The following ABTB2 variants were observed in gnomAD, a reference collection of about 807,000 sequenced individuals.
ABTB2 encodes ankyrin repeat and BTB domain containing 2.
Under a neutral mutation model 104.1 loss-of-function variants are expected in ABTB2, and 56 were observed. The observed-to-expected ratio is 0.54, with a 90% CI of 0.43 to 0.67. The LOEUF (loss-of-function observed/expected upper bound fraction) is 0.67, where lower values mean the gene tolerates loss of function less well. ABTB2 is among the 30% of genes least tolerant of loss of function. The pLI, the probability that ABTB2 is intolerant of heterozygous loss-of-function variation, is 0.00. For synonymous variants in ABTB2, 606 were observed against 608.2 expected, an observed-to-expected ratio of 1.00 and a Z score of 0.05; for missense variants, 1,279 against 1,407.7, an observed-to-expected ratio of 0.91 and a Z score of 1.46.
intron 4 of ABTB2, among the ~76,000 whole-genome samples, chr11:34,172,889 C>G (rs1240002302): frequency 6.6e-6 from 1 of 152,228 alleles, no homozygotes; most frequent in African/African-American, 2.4e-5. Flanking sequence ...TGTGTGGGCT[C>G]TCCTGCCCCA....
At chr11:34,258,510 T>C (rs922140551) in intron 1 of ABTB2, among the ~76,000 whole-genome samples, 16 of 151,762 alleles carry the variant, frequency 1.1e-4, no homozygotes, top group African/African-American at 3.9e-4. Context: ...ATCTATCAAA[T>C]GGAAACAGCA....
chr11:34,355,872 G>A (rs1855459615), intron 1 of ABTB2, among the ~76,000 whole-genome samples: 1 of 152,188 alleles, frequency 6.6e-6, no homozygotes, highest in Admixed American at 6.5e-5. Context: ...TCAGGGAAGT[G>A]CAACCACCCA....
chr11:34,275,057 G>A (rs951406701), intron 1 of ABTB2, among the ~76,000 whole-genome samples: 4 of 152,260 alleles, frequency 2.6e-5, no homozygotes, highest in South Asian at 2.1e-4. Flanking sequence ...AAGCTGCCTC[G>A]AGAGTCCTCA....
At chr11:34,174,040 G>T (rs1204702428) in intron 3 of ABTB2, among the ~76,000 whole-genome samples, 1 of 152,202 alleles carries the variant, frequency 6.6e-6, no homozygotes, top group East Asian at 1.9e-4. Context: ...GCTCAGAAAA[G>T]AGTAGTGGCC....
At chr11:34,211,400 A>G (rs1853478629) in intron 1 of ABTB2, among the ~76,000 whole-genome samples, 1 of 152,124 alleles carries the variant, frequency 6.6e-6, no homozygotes, top group Non-Finnish European at 1.5e-5. Flanking sequence ...GTGAGCCACC[A>G]TGCCCAGCCA....
intron 1 of ABTB2, among the ~76,000 whole-genome samples, chr11:34,324,704 T>C (rs1033305522): frequency 6.6e-6 from 1 of 152,232 alleles, no homozygotes; most frequent in Non-Finnish European, 1.5e-5. Flanking sequence ...GGCATGCAAG[T>C]AGAGGCTCCC....
Position 34,156,585 on chromosome 11 carries a change from G to A in ABTB2, c.2698-1816C>T, listed in dbSNP as rs183972335. On this transcript the variant is annotated intron_variant, in intron 14 of 16. Coordinates refer to ENST00000435224, the MANE Select transcript of ABTB2 (RefSeq NM_145804.3). ...GTCGCCCAGGCTGGAGTGCAGTGGC[G>A]CAATCTCGGCTCACCGCAACCTCCA... 3.9e-3 allele frequency among the ~76,000 whole-genome samples: 588 copies of A among 151,412 alleles called. 13 individuals are homozygous for A. Among genetic ancestry groups the A allele is most frequent in the Admixed American group, 0.036 (541 of 15,192 alleles).
At chr11:34,291,085 T>C (rs1032291780) in intron 1 of ABTB2, among the ~76,000 whole-genome samples, 1 of 152,200 alleles carries the variant, frequency 6.6e-6, no homozygotes, top group Non-Finnish European at 1.5e-5. Context: ...CCTGCACATA[T>C]GGGGGAATGG....
intron 1 of ABTB2, among the ~76,000 whole-genome samples, chr11:34,353,728 A>C (rs138406969): frequency 6.6e-6 from 1 of 152,376 alleles, no homozygotes; most frequent in African/African-American, 2.4e-5. Flanking sequence ...GGAAGACATT[A>C]AGTTTAAAAG....
At chr11:34,354,328 G>A (rs1007622075) in intron 1 of ABTB2, among the ~76,000 whole-genome samples, 4 of 152,104 alleles carry the variant, frequency 2.6e-5, no homozygotes, top group Non-Finnish European at 5.9e-5. Context: ...TTAAAACATG[G>A]GGTCGTGGCT....
intron 1 of ABTB2, among the ~76,000 whole-genome samples, chr11:34,270,275 A>G (rs1222744345): frequency 6.6e-6 from 1 of 151,844 alleles, no homozygotes; most frequent in Non-Finnish European, 1.5e-5. Context: ...GCATGGTTTC[A>G]GGATCAAACA....
At chr11:34,264,068 G>T (rs979211517) in intron 1 of ABTB2, among the ~76,000 whole-genome samples, 1 of 152,138 alleles carries the variant, frequency 6.6e-6, no homozygotes, top group Admixed American at 6.5e-5. Flanking sequence ...TTTCTCTAAG[G>T]GAAGTAACAC....
intron 1 of ABTB2, among the ~76,000 whole-genome samples, chr11:34,282,784 G>A (rs1035279170): frequency 6.6e-6 from 1 of 151,928 alleles, no homozygotes; most frequent in Admixed American, 6.6e-5. Flanking sequence ...CGCCCACCTC[G>A]GCCTCCCAAA....
chr11:34,167,404 C>G (rs370092511), intron 6 of ABTB2, 44 bp from the exon 7 acceptor site: 7 of 1,516,646 alleles, frequency 4.6e-6, no homozygotes, highest in African/African-American at 4.1e-5. Flanking sequence ...GGCACCCGAG[C>G]GAAGGGAGTA....
intron 1 of ABTB2, among the ~76,000 whole-genome samples, chr11:34,275,446 A>G (rs563872371): frequency 1.7e-4 from 26 of 152,140 alleles, no homozygotes; most frequent in African/African-American, 5.8e-4. Context: ...ATGGGGGACC[A>G]TGGCATGTCA....
chr11:34,319,140 T>C (rs969071795), intron 1 of ABTB2, among the ~76,000 whole-genome samples: 2 of 152,190 alleles, frequency 1.3e-5, no homozygotes, highest in Non-Finnish European at 2.9e-5. Flanking sequence ...CCTCAGACTC[T>C]ACAACAGATG....
chr11:34,291,215 A>G (rs1369985659), intron 1 of ABTB2, among the ~76,000 whole-genome samples: 1 of 152,232 alleles, frequency 6.6e-6, no homozygotes, highest in African/African-American at 2.4e-5. Flanking sequence ...TAAGAGGACA[A>G]TAGTCTCTTT....
At chr11:34,187,252 G>A (rs972802678) in intron 3 of ABTB2, among the ~76,000 whole-genome samples, 3 of 152,154 alleles carry the variant, frequency 2.0e-5, no homozygotes, top group Admixed American at 6.5e-5. Flanking sequence ...TTCAGCAGCC[G>A]CAGTCCATTG....
intron 1 of ABTB2, among the ~76,000 whole-genome samples, chr11:34,319,621 C>A (rs375183608): frequency 6.6e-6 from 1 of 151,954 alleles, no homozygotes; most frequent in Admixed American, 6.6e-5. Context: ...TAACCCCTCC[C>A]AGCCTCTGTT....
Sources: allele counts gnomAD v4.1 joint callset (sites outside exome capture counted in the v4.1 genomes callset), GRCh38; gene constraint gnomAD v4.1.1; transcripts MANE v1.5; gene names NCBI Gene and HGNC (gene_info 2026-07-23, HGNC 2026-07-21).